JAG2: variants seen among roughly 807,000 people sequenced by gnomAD.
The protein encoded by JAG2 is protein jagged-2.
A neutral mutation model predicts 141.7 loss-of-function variants in JAG2; 46 were observed. The ratio of observed to expected loss-of-function variants is 0.32; its 90% CI spans 0.26 to 0.42. The LOEUF is 0.42. JAG2 is among the 10% of genes least tolerant of loss of function. The pLI, the probability that JAG2 is intolerant of heterozygous loss-of-function variation, is 1.00. For synonymous variants in JAG2, 862 were observed against 763.5 expected (o/e 1.13, Z -2.13); for missense variants, 1,500 against 1,817.5 (o/e 0.83, Z 3.18).
chr14:105,146,363 G>A (rs910732955), intron 22 of JAG2, 22 bp downstream of exon 22: 5 of 1,596,252 alleles, frequency 3.1e-6, no homozygotes, highest in Non-Finnish European at 4.3e-6. Context: ...GTAGGGCAGG[G>A]CGGCTCACGG....
At position 105,167,823 on chromosome 14, in the gene JAG2, C is replaced by T. The variant is rs1224709913; in HGVS notation, c.351G>A (p.Ala117=). ...CCTGGTCGCCGCCGGCCCGGGCCCG[C>T]GCCCGCGCTCGGTCCCCCGCAGCGC... ...PAGAAGDRAR[A]RARAGGDQDP... is the part of the protein sequence containing the mutation. The change falls in exon 2 of 26, where the codon GCG becomes GCA. Residue 117 remains alanine, a synonymous_variant. Transcript: ENST00000331782. The surrounding 1 kb of genome is among the most constrained non-coding windows in gnomAD (Gnocchi z 4.8). 138 of 1,470,408 alleles carry T rather than the reference C, an allele frequency of 9.4e-5. No individual in the cohort carries two copies. The highest frequency in any genetic ancestry group is 1.2e-4 in the Non-Finnish European group (134 of 1,115,470). 91.1% of individuals were successfully genotyped at this position (1,470,408 alleles called of 1,614,324 possible).
In JAG2 at chr14:105,144,911, C is replaced by A; in HGVS notation, c.3084+19G>T. 6.3e-7 allele frequency: 1 copy of A among 1,596,508 alleles called. No individual in the cohort carries two copies. ...GGACCCAGGGCCCACCCAGGTGCTGCTCCCCACTGGGCACTCACCACGGCC... is the reference window on the plus strand; with the variant it reads ...GGACCCAGGGCCCACCCAGGTGCTGATCCCCACTGGGCACTCACCACGGCC... On this transcript the variant is annotated intron_variant, in intron 24 of 25. Coordinates refer to ENST00000331782, the MANE Select transcript of JAG2 (RefSeq NM_002226.5).
At chr14:105,145,322 C>A (rs587750096) in intron 23 of JAG2, among the ~76,000 whole-genome samples, 12 of 152,160 alleles carry the variant, frequency 7.9e-5, no homozygotes, top group South Asian at 2.1e-4. Flanking sequence ...AGAGGCAGGG[C>A]GGGGTACAGT....
rs771929545 is a variant in JAG2, at chr14:105,151,636, G to A, written c.1143C>T (p.Thr381=). The A allele has an allele frequency of 1.2e-6, 2 of 1,606,210 alleles. No individual in the cohort carries two copies. The highest frequency in any genetic ancestry group is 1.7e-6 in the Non-Finnish European group (2 of 1,177,182). ...CGTGCAGACACTCACCAAGGGCACA[G>A]GTGGGCCCGCTCCAGCCCGATGGGC... ...CHCPSGWSGP[T]CALDIDECAS... is the part of the protein sequence containing the mutation. The change falls in exon 8 of 26, where the codon ACC becomes ACT. Residue 381 remains threonine, a synonymous_variant. Transcript: ENST00000331782.
At chr14:105,157,840 G>T in intron 2 of JAG2, 77 bp from the exon 3 acceptor site, 3 of 1,309,032 alleles carry the variant, frequency 2.3e-6, no homozygotes, top group Non-Finnish European at 3.2e-6. Context: ...AAGGCCCAGG[G>T]CTCAGACGCT....
At position 105,154,247 on chromosome 14, in the gene JAG2, G is replaced by A. The variant is rs887543776; in HGVS notation, c.788+1315C>T. On this transcript the variant is annotated intron_variant, in intron 5 of 25. Transcript: ENST00000331782. The surrounding 1 kb of genome is among the most constrained non-coding windows in gnomAD (Gnocchi z 4.4). ...AGGCTCTCTGTGCCCCAGTGTCCTC[G>A]TCCCATGGAGGCAAACCCACTCCAC... Among the ~76,000 whole-genome samples, 2 of 152,262 alleles carry A rather than the reference G, an allele frequency of 1.3e-5. No homozygotes were observed. The highest frequency in any genetic ancestry group is 6.5e-5 in the Admixed American group (1 of 15,308).
At chr14:105,163,503 C>T (rs1434265858) in intron 2 of JAG2, among the ~76,000 whole-genome samples, 2 of 152,230 alleles carry the variant, frequency 1.3e-5, no homozygotes, top group Admixed American at 6.5e-5. Flanking sequence ...CAACTGATGC[C>T]AGCCACACCC....
intron 20 of JAG2, chr14:105,147,116 G>T (rs1016850203): frequency 4.8e-6 from 3 of 629,692 alleles, no homozygotes; most frequent in Non-Finnish European, 8.6e-6. Context: ...TGGTCCCCCA[G>T]GCTGGGGCTC....
At position 105,148,332 on chromosome 14, in the gene JAG2, G is replaced by A; in HGVS notation, c.2128C>T (p.His710Tyr). The A allele has an allele frequency of 6.2e-7, 1 of 1,608,098 alleles. No individual in the cohort carries two copies. The highest frequency in any genetic ancestry group is 8.5e-7 in the Non-Finnish European group (1 of 1,177,900). Residue 710 changes from histidine (H) to tyrosine (Y), a missense_variant, in exon 16 of 26, where the codon CAC becomes TAC. His to Tyr is a moderately conservative substitution (Grantham distance 83). Around this residue, in one of 3 missense-constraint regions of JAG2, gnomAD observed 875 missense variants for 1,202.2 expected, o/e 0.73. Coordinates refer to ENST00000331782, the MANE Select transcript of JAG2 (RefSeq NM_002226.5). ...AGGGCCTGCGGACACTCACGTGAGT[G>A]GCAGGTCTTGCCCTTCCAGCCGTCG... ...CDDGWKGKTC[H>Y]SREFQCDAYT...
intron 3 of JAG2, 152 bp from the exon 4 acceptor site, chr14:105,156,141 C>T: frequency 6.7e-6 from 7 of 1,049,028 alleles, no homozygotes; most frequent in Non-Finnish European, 9.4e-6. Context: ...CCCGGCCAGG[C>T]TGCTACAGAA....
At position 105,142,944 on chromosome 14, in the gene JAG2, C is replaced by A. The variant is rs373302058; in HGVS notation, c.3468G>T (p.Pro1156=). 2 of 1,608,924 alleles carry A rather than the reference C, an allele frequency of 1.2e-6. No homozygotes were observed. Among genetic ancestry groups the A allele is most frequent in the Non-Finnish European group, 1.7e-6 (2 of 1,177,882 alleles). The change falls in exon 26 of 26, where the codon CCG becomes CCT. Residue 1156 remains proline (P), a synonymous_variant. Transcript: ENST00000331782. Reference sequence around the variant, plus strand: ...GCGCCTCGTCCGCCCTGCGCGGCGGCGGCGTGAAGTTCTTGCACTGGTAGA... The same window carrying A: ...GCGCCTCGTCCGCCCTGCGCGGCGGAGGCGTGAAGTTCTTGCACTGGTAGA... The part of the protein sequence containing the change: ...DVLYQCKNFT[P]PPRRADEALP...
chr14:105,149,347 G>T (rs1469298882), intron 12 of JAG2, 27 bp from the exon 13 acceptor site: 14 of 1,612,262 alleles, frequency 8.7e-6, no homozygotes, highest in Admixed American at 3.3e-5. Context: ...GCCTGTGAGA[G>T]CCTAGGCCCA....
chr14:105,148,810 A>G lies in JAG2; in HGVS notation c.1955T>C (p.Ile652Thr), dbSNP rs1285010327. The change falls in exon 15 of 26, where the codon ATC becomes ACC. Residue 652 changes from isoleucine to threonine, a missense_variant. This residue lies in a region of JAG2 where 875 missense variants were observed against 1,202.2 expected (regional missense o/e 0.73). Transcript: ENST00000331782. ...GQPCRNGGTC[I>T]DEVDAFRCFC... Reference sequence around the variant, plus strand: ...GCAGCGGAAGGCGTCCACCTCATCGATGCATGTGCCCCCATTGCGGCAGGG... The same window carrying G: ...GCAGCGGAAGGCGTCCACCTCATCGGTGCATGTGCCCCCATTGCGGCAGGG... 6.3e-7 allele frequency: 1 copy of G among 1,599,212 alleles called. No individual in the cohort carries two copies. The highest frequency in any genetic ancestry group is 8.5e-7 in the Non-Finnish European group (1 of 1,173,690).
intron 2 of JAG2, among the ~76,000 whole-genome samples, chr14:105,164,678 A>G (rs1313726769): frequency 1.3e-5 from 2 of 152,088 alleles, no homozygotes; most frequent in African/African-American, 4.8e-5. Context: ...TGGGCTCTGT[A>G]AAAACCTTCC....
chr14:105,163,180 A>G (rs587743576), intron 2 of JAG2, among the ~76,000 whole-genome samples: 1 of 152,340 alleles, frequency 6.6e-6, no homozygotes, highest in Admixed American at 6.5e-5. Flanking sequence ...AGCTCCAAGC[A>G]CAGATACATT....
rs1888523701 is a variant in JAG2, at chr14:105,154,492, G to A, written c.788+1070C>T. ...CTCTGCTCCACTCTAGGGCAAAGCT[G>A]CCAGCCCCCCTGGCTGGATCCCCCA... On this transcript the variant is annotated intron_variant, in intron 5 of 25. Transcript: ENST00000331782. The surrounding 1 kb of genome is among the most constrained non-coding windows in gnomAD (Gnocchi z 4.4). Among the ~76,000 whole-genome samples, 1 of 152,168 alleles carries A rather than the reference G, an allele frequency of 6.6e-6. No individual in the cohort carries two copies. Among genetic ancestry groups the A allele is most frequent in the Non-Finnish European group, 1.5e-5 (1 of 68,012 alleles).
In JAG2 at chr14:105,150,662, T is replaced by C. The variant is rs1208478978; in HGVS notation, c.1544A>G (p.Asp515Gly). The change falls in exon 12 of 26, where the codon GAC becomes GGC. Residue 515 changes from aspartate (D) to glycine (G), a missense_variant. By Grantham distance (94) the Asp-to-Gly change is moderately conservative. Around this residue, in one of 3 missense-constraint regions of JAG2, gnomAD observed 875 missense variants for 1,202.2 expected, o/e 0.73. Coordinates refer to ENST00000331782, the MANE Select transcript of JAG2 (RefSeq NM_002226.5). The stretch of plus-strand genomic sequence containing the variant: ...GTGGCAGTGGAAGCCGTCGGCCAGG[T>C]CCTCGCAGAGGCCGCCGCTGTGGCA... Reference protein sequence around the residue: ...SPCHSGGLCEDLADGFHCHCP... With the variant: ...SPCHSGGLCEGLADGFHCHCP... The C allele has an allele frequency of 1.9e-6, 3 of 1,550,024 alleles. No homozygotes were observed. The highest frequency in any genetic ancestry group is 2.6e-6 in the Non-Finnish European group (3 of 1,146,876).
chr14:105,157,846 AC>A, intron 2 of JAG2, 83 bp from the exon 3 acceptor site: 1 of 1,273,692 alleles, frequency 7.9e-7, no homozygotes, highest in African/African-American at 1.5e-5. Flanking sequence ...CAGGGCTCAG[AC>A]GCTGCCCCTG....
chr14:105,145,307 G>A (rs1466654951), intron 23 of JAG2, among the ~76,000 whole-genome samples: 1 of 152,204 alleles, frequency 6.6e-6, no homozygotes, highest in Non-Finnish European at 1.5e-5. Flanking sequence ...GCCAGTGGGG[G>A]AAGGAGAGGC....
Sources: gnomAD v4.1 joint callset for allele counts (sites outside exome capture counted in the v4.1 genomes callset) on GRCh38, gnomAD v4.1.1 for gene constraint, gnomAD v4.1.1 regional missense constraint, Gnocchi (gnomAD v3.1) non-coding constraint, MANE v1.5 for transcripts, NCBI Gene and HGNC (gene_info 2026-07-23, HGNC 2026-07-21) for gene names.